Variants in IREB2 observed in about 807,000 individuals in gnomAD.
The protein encoded by IREB2 is iron responsive element binding protein 2.
Under a neutral mutation model 118.8 loss-of-function variants are expected in IREB2, and 39 were observed. The ratio of observed to expected loss-of-function variants is 0.33; its 90% CI spans 0.25 to 0.43. The LOEUF (loss-of-function observed/expected upper bound fraction) is 0.43, where lower values mean the gene tolerates loss of function less well. IREB2 is among the 20% of genes least tolerant of loss of function. The pLI, the probability that IREB2 is intolerant of heterozygous loss-of-function variation, is 1.00. For synonymous variants in IREB2, 372 were observed against 392.2 expected (o/e 0.95, Z 0.61); for missense variants, 900 against 1,147.3 (o/e 0.78, Z 3.11).
intron 2 of IREB2, among the ~76,000 whole-genome samples, chr15:78,443,026 G>A (rs1297066837): frequency 6.6e-6 from 1 of 152,136 alleles, no homozygotes; most frequent in East Asian, 1.9e-4. Context: ...TTACTCATGG[G>A]GGATATGTTC....
intron 2 of IREB2, among the ~76,000 whole-genome samples, chr15:78,447,875 G>A (rs1364951601): frequency 6.6e-6 from 1 of 152,214 alleles, no homozygotes; most frequent in Non-Finnish European, 1.5e-5. Flanking sequence ...TGACATTTGT[G>A]CTTGGCGAAC....
At chr15:78,471,014 A>T (rs1173200820) in intron 6 of IREB2, 1 of 150,032 alleles carries the variant, frequency 6.7e-6, no homozygotes, top group Non-Finnish European at 1.5e-5. Flanking sequence ...TATTTTATTT[A>T]TTTATTTATT....
intron 12 of IREB2, 66 bp from the exon 13 acceptor site, chr15:78,485,639 C>CT: frequency 6.7e-7 from 1 of 1,485,580 alleles, no homozygotes; most frequent in Non-Finnish European, 9.1e-7. Context: ...TCACTTTTTA[C>CT]TTTAATATGG....
chr15:78,483,181 G>A, intron 10 of IREB2, 137 bp from the exon 11 acceptor site: 1 of 554,182 alleles, frequency 1.8e-6, no homozygotes, highest in South Asian at 2.6e-5. Context: ...GGTTGAGGGT[G>A]TATTATACTA....
chr15:78,464,469 T>A (rs1433147250), intron 3 of IREB2, among the ~76,000 whole-genome samples: 1 of 152,212 alleles, frequency 6.6e-6, no homozygotes, highest in African/African-American at 2.4e-5. Context: ...TTACGATACA[T>A]AGCCGCATAA....
Position 78,499,609 on chromosome 15 carries a change from C to CA in IREB2, c.*1468dup, listed in dbSNP as rs1327496316. The CA allele has an allele frequency of 6.6e-6, 1 of 152,050 alleles. No individual in the cohort carries two copies. The highest frequency in any genetic ancestry group is 1.9e-4 in the East Asian group (1 of 5,194). 9.4% of individuals were successfully genotyped at this position (152,050 alleles called of 1,614,324 possible). On this transcript the variant is annotated 3_prime_UTR_variant, in exon 22 of 22. Transcript: ENST00000258886. The stretch of plus-strand genomic sequence containing the variant: ...AATATTTTGCAAATATGTGTTTAGA[C>CA]AATAAGATGGACTAGAGTTCGACAA...
chr15:78,453,107 A>G (rs2051051987), intron 2 of IREB2, among the ~76,000 whole-genome samples: 2 of 152,218 alleles, frequency 1.3e-5, no homozygotes, highest in African/African-American at 4.8e-5. Context: ...TTTGAAAACT[A>G]TTCACTATAT....
chr15:78,485,452 A>G (rs552577409), intron 12 of IREB2, among the ~76,000 whole-genome samples: 5 of 152,342 alleles, frequency 3.3e-5, no homozygotes, highest in South Asian at 2.1e-4. Context: ...GTACTTATAT[A>G]TGTGCACCTT....
Position 78,490,857 on chromosome 15 carries a change from A to G in IREB2, c.2324+96A>G, listed in dbSNP as rs73463009. 9.9e-4 allele frequency: 1,141 copies of G among 1,153,756 alleles called. 10 individuals carry two copies. In the African/African-American group the frequency reaches 0.016, roughly 17 times the overall value. The allele number at this position is 1,153,756 out of a possible 1,614,324, so 71.5% of individuals were successfully genotyped here. On this transcript the variant is annotated intron_variant, in intron 18 of 21. Coordinates refer to ENST00000258886, the MANE Select transcript of IREB2 (RefSeq NM_004136.4). ...CTTGTTCCTTTTTTCCAGTAAATAC[A>G]TGCTATCGTAGGTAATCTGACTGCC...
At position 78,499,001 on chromosome 15, in the gene IREB2, A is replaced by G. The variant is rs2051891195; in HGVS notation, c.*858A>G. On this transcript the variant is annotated 3_prime_UTR_variant, in exon 22 of 22. Transcript: ENST00000258886. Reference sequence around the variant, plus strand: ...TATCATTAACCAAAATTTCACACTCATAGTTGCTAAAGAGAATGTTATTCA... The same window carrying G: ...TATCATTAACCAAAATTTCACACTCGTAGTTGCTAAAGAGAATGTTATTCA... 3 of 152,204 alleles carry G rather than the reference A, an allele frequency of 2.0e-5. No individual in the cohort carries two copies. In the South Asian group the frequency reaches 6.2e-4, roughly 31 times the overall value. 9.4% of individuals were successfully genotyped at this position (152,204 alleles called of 1,614,324 possible).
intron 9 of IREB2, 25 bp from the exon 10 acceptor site, chr15:78,478,272 G>C: frequency 2.1e-6 from 3 of 1,405,570 alleles, no homozygotes; most frequent in Non-Finnish European, 3.0e-6. Context: ...ACTGCATTTT[G>C]TTGTTTTGTT....
At chr15:78,461,640 G>T (rs747191540) in intron 2 of IREB2, among the ~76,000 whole-genome samples, 1 of 152,124 alleles carries the variant, frequency 6.6e-6, no homozygotes, top group Non-Finnish European at 1.5e-5. Flanking sequence ...CACAGGCACA[G>T]AAGTCTTCTC....
chr15:78,479,919 T>TAAAAAAAAAA (rs369360169), intron 10 of IREB2: 1 of 135,718 alleles, frequency 7.4e-6, no homozygotes. Context: ...AGACAGTGTC[T>TAAAAAAAAAA]AAAAAAAAAA....
At chr15:78,473,018 A>G (rs184974155) in intron 7 of IREB2, among the ~76,000 whole-genome samples, 2 of 152,318 alleles carry the variant, frequency 1.3e-5, no homozygotes, top group East Asian at 1.9e-4. Flanking sequence ...CTTAAAACTA[A>G]TATTTTACCT....
chr15:78,486,686 T>C (rs2051666571), intron 13 of IREB2, among the ~76,000 whole-genome samples: 1 of 152,234 alleles, frequency 6.6e-6, no homozygotes, highest in Non-Finnish European at 1.5e-5. Flanking sequence ...TTTTTTGGTT[T>C]TGAGACAGTG....
chr15:78,483,155 A>T (rs757194856), intron 10 of IREB2, among the ~76,000 whole-genome samples, 163 bp from the exon 11 acceptor site: 1 of 152,128 alleles, frequency 6.6e-6, no homozygotes, highest in Non-Finnish European at 1.5e-5. Context: ...CTTGTTTTAA[A>T]ATCTTTATTT....
intron 11 of IREB2, among the ~76,000 whole-genome samples, chr15:78,484,045 A>G (rs1286414656): frequency 2.6e-5 from 4 of 151,964 alleles, no homozygotes; most frequent in South Asian, 4.2e-4. Flanking sequence ...TCAGCCTCCC[A>G]ACAGTGCTGG....
intron 10 of IREB2, among the ~76,000 whole-genome samples, chr15:78,479,291 A>T (rs575615027): frequency 2.6e-5 from 4 of 151,952 alleles, no homozygotes; most frequent in South Asian, 4.1e-4. Context: ...ATTATTATTT[A>T]AGTAATGTTA....
At chr15:78,466,650 AT>A (rs2051288342) in intron 5 of IREB2, among the ~76,000 whole-genome samples, 161 bp downstream of exon 5, 1 of 152,134 alleles carries the variant, frequency 6.6e-6, no homozygotes, top group Non-Finnish European at 1.5e-5. Context: ...AAAGAAGTAA[AT>A]TTAGTGAAAA....
Sources: allele counts gnomAD v4.1 joint callset (sites outside exome capture counted in the v4.1 genomes callset), GRCh38; gene constraint gnomAD v4.1.1; transcripts MANE v1.5; gene names NCBI Gene and HGNC (gene_info 2026-07-23, HGNC 2026-07-21).